The following CRACD variants were observed in gnomAD, a reference collection of about 807,000 sequenced individuals.
CRACD encodes the protein capping protein inhibiting regulator of actin dynamics, also known as capping protein-inhibiting regulator of actin dynamics.
Under a neutral mutation model 106.8 loss-of-function variants are expected in CRACD, and 56 were observed. The observed-to-expected ratio is 0.52, with a 90% CI of 0.42 to 0.66. The LOEUF is 0.66. Among genes scored for constraint, CRACD ranks in the 30% least tolerant of loss-of-function variants. CRACD has a pLI of 0.00. For synonymous variants in CRACD, 754 were observed against 670.8 expected (o/e 1.12, Z -1.92); for missense variants, 1,730 against 1,623.2 (o/e 1.07, Z -1.13).
intron 8 of CRACD, among the ~76,000 whole-genome samples, chr4:56,319,171 C>G (rs890249117): frequency 6.6e-6 from 1 of 152,116 alleles, no homozygotes; most frequent in Non-Finnish European, 1.5e-5. Flanking sequence ...CCACTGAGAA[C>G]AAAAAGCACC....
intron 1 of CRACD, among the ~76,000 whole-genome samples, chr4:56,106,034 T>G (rs1023305888): frequency 6.6e-6 from 1 of 152,100 alleles, no homozygotes; most frequent in Non-Finnish European, 1.5e-5. Flanking sequence ...GCTGGGTGTG[T>G]ATCGAAGTTA....
intron 1 of CRACD, among the ~76,000 whole-genome samples, chr4:56,056,610 A>C (rs1422961959): frequency 2.7e-5 from 4 of 150,808 alleles, no homozygotes; most frequent in Non-Finnish European, 4.4e-5. Context: ...AAAAAAAAAC[A>C]AACAAAAAAA....
chr4:56,124,020 C>T (rs933328082), intron 1 of CRACD, among the ~76,000 whole-genome samples: 2 of 152,070 alleles, frequency 1.3e-5, no homozygotes, highest in African/African-American at 4.8e-5. Flanking sequence ...TCACTGCAAC[C>T]TCTGCCTCCC....
rs1737217928 is a variant in CRACD, at chr4:56,188,766, T to A, written c.-189+9336T>A. ...AACATTTTCCACCTGGCTTATAATT[T>A]TTGGTAAATATGTCATATCCCCTAC... On this transcript the variant is annotated intron_variant, in intron 2 of 10. Transcript: ENST00000682029. Among the ~76,000 whole-genome samples the A allele has an allele frequency of 2.6e-5, 4 of 151,364 alleles. 1 individual carries two copies. The South Asian group carries it at 8.4e-4, about 32-fold the overall frequency.
At chr4:56,102,538 G>A (rs1000374472) in intron 1 of CRACD, among the ~76,000 whole-genome samples, 2 of 152,130 alleles carry the variant, frequency 1.3e-5, no homozygotes, top group Non-Finnish European at 2.9e-5. Flanking sequence ...CCATTTGAAC[G>A]AATTACCTTT....
Position 56,316,563 on chromosome 4 carries a change from C to A in CRACD, c.3061C>A (p.Pro1021Thr). Residue 1021 changes from proline to threonine, a missense_variant, in exon 8 of 11, where the codon CCC (proline) becomes ACC (threonine). Coordinates refer to ENST00000682029, the MANE Select transcript of CRACD (RefSeq NM_001393381.1). ...SDRRPPSPPG[P>T]EERKGQKRDE... ...CCGCCGGCCACCCTCGCCCCCAGGCCCCGAGGAAAGGAAGGGACAGAAGAG... is the reference window on the plus strand; with the variant it reads ...CCGCCGGCCACCCTCGCCCCCAGGCACCGAGGAAAGGAAGGGACAGAAGAG... 1 of 1,613,192 alleles carries A rather than the reference C, an allele frequency of 6.2e-7. No homozygotes were observed. The highest frequency in any genetic ancestry group is 1.7e-5 in the Admixed American group (1 of 59,892).
chr4:56,314,324 C>T lies in CRACD; in HGVS notation c.822C>T (p.Gly274=). 4 of 1,550,728 alleles carry T rather than the reference C, an allele frequency of 2.6e-6. No individual in the cohort carries two copies. In the South Asian group the frequency reaches 4.8e-5, roughly 18 times the overall value. ...NRRQELLEEE[G]EGQEPPLEAE... ...GGCAGGAGCTCTTGGAGGAGGAGGG[C>T]GAGGGGCAGGAGCCGCCTCTAGAGG... The change falls in exon 8 of 11, where the codon GGC becomes GGT. Residue 274 remains glycine, a synonymous_variant. Coordinates refer to ENST00000682029, the MANE Select transcript of CRACD (RefSeq NM_001393381.1). The surrounding 1 kb of genome is among the most constrained non-coding windows in gnomAD (Gnocchi z 4.4).
intron 2 of CRACD, among the ~76,000 whole-genome samples, chr4:56,214,288 T>C (rs1253859085): frequency 6.6e-6 from 1 of 152,120 alleles, no homozygotes; most frequent in African/African-American, 2.4e-5. Flanking sequence ...AACCTGCACA[T>C]GTATTTTTTT....
At chr4:56,277,039 T>C (rs990900898) in intron 3 of CRACD, among the ~76,000 whole-genome samples, 6 of 152,092 alleles carry the variant, frequency 3.9e-5, no homozygotes, top group Non-Finnish European at 1.5e-5. Context: ...ATGGAGTAGC[T>C]GAGAGGGAAG....
chr4:56,276,346 G>A (rs539396276), intron 3 of CRACD, among the ~76,000 whole-genome samples: 1 of 152,180 alleles, frequency 6.6e-6, no homozygotes, highest in East Asian at 1.9e-4. Context: ...TGTGGGACTC[G>A]ACAGAACTTT....
intron 1 of CRACD, among the ~76,000 whole-genome samples, chr4:56,176,565 A>T (rs1736593029): frequency 6.6e-6 from 1 of 151,660 alleles, no homozygotes; most frequent in African/African-American, 2.4e-5. Context: ...AGTAGCTGGG[A>T]CTACAGGCAC....
chr4:56,125,764 C>CTTTTTTTTTT (rs11289899), intron 1 of CRACD, among the ~76,000 whole-genome samples: 72 of 73,292 alleles, frequency 9.8e-4, no homozygotes, highest in East Asian at 1.2e-3. Context: ...CATTCTTCTT[C>CTTTTTTTTTT]TTTTTTTTTT....
intron 1 of CRACD, among the ~76,000 whole-genome samples, chr4:56,111,085 G>C (rs1352411001): frequency 6.6e-6 from 1 of 152,028 alleles, no homozygotes; most frequent in African/African-American, 2.4e-5. Context: ...AAGGAAAATA[G>C]TATACCACAT....
chr4:56,104,294 G>A (rs1458272688), intron 1 of CRACD, among the ~76,000 whole-genome samples: 1 of 152,010 alleles, frequency 6.6e-6, no homozygotes, highest in Non-Finnish European at 1.5e-5. Context: ...TTTGGTGGGT[G>A]GAGGTGGGAG....
chr4:56,246,975 C>A (rs1216695081), intron 2 of CRACD, among the ~76,000 whole-genome samples: 1 of 152,170 alleles, frequency 6.6e-6, no homozygotes, highest in African/African-American at 2.4e-5. Context: ...TATTTAGATA[C>A]TGAAAAAAGT....
chr4:56,260,574 G>C (rs1741634981), intron 2 of CRACD, among the ~76,000 whole-genome samples: 1 of 152,160 alleles, frequency 6.6e-6, no homozygotes, highest in Admixed American at 6.5e-5. Context: ...GAGCTCTTGT[G>C]AATGTATTTT....
chr4:56,315,959 G>C lies in CRACD; in HGVS notation c.2457G>C (p.Ser819=), dbSNP rs766344051. 6.2e-7 allele frequency: 1 copy of C among 1,614,066 alleles called. No homozygotes were observed. The highest frequency in any genetic ancestry group is 8.5e-7 in the Non-Finnish European group (1 of 1,180,050). Residue 819 remains serine, a synonymous_variant, in exon 8 of 11, where the codon TCG becomes TCC. Transcript: ENST00000682029. This position sits in a 1 kb window ranked among gnomAD's most constrained non-coding sequence, Gnocchi z 4.1. ...KVVAHTEFTT[S]SDSETANGIA... ...TGGCCCACACAGAGTTCACGACCTC[G>C]TCGGACAGCGAGACTGCAAACGGGA...
intron 3 of CRACD, among the ~76,000 whole-genome samples, chr4:56,287,554 T>C (rs1021625502): frequency 2.0e-5 from 3 of 152,196 alleles, no homozygotes; most frequent in African/African-American, 7.2e-5. Context: ...GTGCTGGGAT[T>C]ACAGGCAAGA....
intron 10 of CRACD, among the ~76,000 whole-genome samples, chr4:56,324,972 C>G (rs1293978700): frequency 1.3e-5 from 2 of 152,006 alleles, no homozygotes; most frequent in African/African-American, 4.8e-5. Context: ...TATTAAAATG[C>G]CACATGTACC....
Sources: allele counts gnomAD v4.1 joint callset (sites outside exome capture counted in the v4.1 genomes callset), GRCh38; gene constraint gnomAD v4.1.1; non-coding constraint Gnocchi (gnomAD v3.1); transcripts MANE v1.5; gene names NCBI Gene and HGNC (gene_info 2026-07-23, HGNC 2026-07-21).